Variants in EXT1 observed in about 807,000 individuals in gnomAD.
EXT1 encodes the protein exostosin glycosyltransferase 1, also known as exostosin-1.
A neutral mutation model predicts 82.5 loss-of-function variants in EXT1; 20 were observed. The observed-to-expected ratio is 0.24, with a 90% CI of 0.17 to 0.35. The LOEUF is 0.35. Among genes scored for constraint, EXT1 ranks in the 10% least tolerant of loss-of-function variants. The pLI is 1.00. For synonymous variants in EXT1, 348 were observed against 350.8 expected (o/e 0.99, Z 0.09); for missense variants, 757 against 936.5 (o/e 0.81, Z 2.50).
chr8:117,954,108 C>G (rs541822098), intron 1 of EXT1, among the ~76,000 whole-genome samples: 6 of 152,248 alleles, frequency 3.9e-5, no homozygotes, highest in African/African-American at 1.4e-4. Flanking sequence ...TCTTGTTCTT[C>G]CTTTCTAGAA....
At chr8:118,078,345 C>G (rs923452242) in intron 1 of EXT1, among the ~76,000 whole-genome samples, 1 of 152,152 alleles carries the variant, frequency 6.6e-6, no homozygotes, top group Non-Finnish European at 1.5e-5. Context: ...ATCACAGGCA[C>G]AGGCCACCAT....
intron 1 of EXT1, among the ~76,000 whole-genome samples, chr8:118,076,186 A>G (rs370884648): frequency 7.9e-5 from 12 of 152,204 alleles, no homozygotes; most frequent in African/African-American, 2.9e-4. Flanking sequence ...CACAAAACAC[A>G]AAGTCAGCTG....
At chr8:118,067,874 C>T (rs1334707734) in intron 1 of EXT1, among the ~76,000 whole-genome samples, 3 of 152,130 alleles carry the variant, frequency 2.0e-5, no homozygotes, top group Admixed American at 6.5e-5. Context: ...AGAGTGATGG[C>T]TATTAAAGGG....
intron 1 of EXT1, among the ~76,000 whole-genome samples, chr8:117,979,093 G>C (rs952206806): frequency 6.6e-6 from 1 of 152,124 alleles, no homozygotes; most frequent in Non-Finnish European, 1.5e-5. Context: ...GGTGGCTCAT[G>C]CCTGTAATCC....
intron 1 of EXT1, among the ~76,000 whole-genome samples, chr8:118,066,465 T>G (rs1254246418): frequency 1.3e-5 from 2 of 152,024 alleles, no homozygotes; most frequent in East Asian, 3.9e-4. Context: ...TTCAAGCGAT[T>G]CTCCTGCCTC....
Position 117,804,794 on chromosome 8 carries a change from C to T in EXT1, c.1983G>A (p.Val661=), listed in dbSNP as rs962526270. 2 of 1,614,150 alleles carry T rather than the reference C, an allele frequency of 1.2e-6. No individual in the cohort carries two copies. Among genetic ancestry groups the T allele is most frequent in the Admixed American group, 1.7e-5 (1 of 60,020 alleles). The change falls in exon 10 of 11, where the codon GTG becomes GTA. Residue 661 remains valine (V), a synonymous_variant. Coordinates refer to ENST00000378204, the MANE Select transcript of EXT1 (RefSeq NM_000127.3). ...NCEDILMNFL[V]SAVTKLPPIK... ...TTGGAGGCAATTTTGTCACAGCAGACACCAGGAAGTTCATGAGAATGTCCT... is the reference window on the plus strand; with the variant it reads ...TTGGAGGCAATTTTGTCACAGCAGATACCAGGAAGTTCATGAGAATGTCCT...
At chr8:117,808,954 G>A (rs549367266) in intron 8 of EXT1, among the ~76,000 whole-genome samples, 17 of 151,864 alleles carry the variant, frequency 1.1e-4, no homozygotes, top group African/African-American at 3.6e-4. Context: ...TTTGCCTGCC[G>A]GCTGAGCTGG....
intron 1 of EXT1, among the ~76,000 whole-genome samples, chr8:118,075,634 C>G (rs1046427219): frequency 5.9e-5 from 9 of 152,016 alleles, no homozygotes; most frequent in African/African-American, 2.2e-4. Context: ...ATACTGGAGA[C>G]TGGGTAATTT....
chr8:117,858,791 A>AGGC lies in EXT1; in HGVS notation c.963-21591_963-21590insGCC, dbSNP rs1554581729. 5.7e-3 allele frequency among the ~76,000 whole-genome samples: 333 copies of AGGC among 58,070 alleles called. 9 individuals carry two copies. The highest frequency in any genetic ancestry group is 7.3e-3 in the African/African-American group (79 of 10,812). The allele number at this position is 58,070 out of a possible 152,430, so 38.1% of individuals were successfully genotyped here. On this transcript the variant is annotated intron_variant, in intron 1 of 10. Coordinates refer to ENST00000378204, the MANE Select transcript of EXT1 (RefSeq NM_000127.3). Reference sequence around the variant, plus strand: ...AAGGCAGGCAGGCAGGCAGGCAGGCAAGGCAAGGCAAGGCAAGGCAGGAAG... The same window carrying AGGC: ...AAGGCAGGCAGGCAGGCAGGCAGGCAGGCAGGCAAGGCAAGGCAAGGCAGGAAG...
chr8:117,964,962 T>A (rs1451499397), intron 1 of EXT1, among the ~76,000 whole-genome samples: 2 of 152,142 alleles, frequency 1.3e-5, no homozygotes, highest in South Asian at 2.1e-4. Flanking sequence ...TACTCACTGT[T>A]ATAAGTTCAG....
At chr8:117,940,856 C>G (rs751712830) in intron 1 of EXT1, among the ~76,000 whole-genome samples, 1 of 152,164 alleles carries the variant, frequency 6.6e-6, no homozygotes, top group Admixed American at 6.6e-5. Context: ...CACCCCTAGG[C>G]TGCTGGGATC....
chr8:118,096,847 C>G (rs985347110), intron 1 of EXT1, among the ~76,000 whole-genome samples: 4 of 152,170 alleles, frequency 2.6e-5, no homozygotes, highest in African/African-American at 7.2e-5. Flanking sequence ...ACAGGAATGC[C>G]TGAGCTACAA....
chr8:117,828,816 C>A (rs1812050215), intron 4 of EXT1, among the ~76,000 whole-genome samples: 1 of 152,092 alleles, frequency 6.6e-6, no homozygotes, highest in African/African-American at 2.4e-5. Flanking sequence ...GAAAAAAATA[C>A]ACACTATGCC....
chr8:117,820,648 G>A (rs367576620), intron 5 of EXT1, among the ~76,000 whole-genome samples: 17 of 151,650 alleles, frequency 1.1e-4, no homozygotes, highest in Middle Eastern at 3.4e-3. Flanking sequence ...AGATGGTGCC[G>A]ATGGTGCCAC....
intron 1 of EXT1, among the ~76,000 whole-genome samples, chr8:117,996,535 C>T (rs528683092): frequency 6.6e-6 from 1 of 152,266 alleles, no homozygotes; most frequent in Non-Finnish European, 1.5e-5. Flanking sequence ...AGCAGAGACC[C>T]TATACATCGT....
At chr8:117,864,437 T>A (rs1812737680) in intron 1 of EXT1, among the ~76,000 whole-genome samples, 1 of 151,968 alleles carries the variant, frequency 6.6e-6, no homozygotes, top group Admixed American at 6.6e-5. Flanking sequence ...CTAACACTAA[T>A]GATAGCTGAT....
chr8:117,810,790 C>T (rs918294660), intron 8 of EXT1, among the ~76,000 whole-genome samples: 3 of 152,192 alleles, frequency 2.0e-5, no homozygotes, highest in Non-Finnish European at 4.4e-5. Flanking sequence ...TAATGGACCC[C>T]TATGGACTGC....
At chr8:117,854,162 G>A (rs1386513314) in intron 1 of EXT1, among the ~76,000 whole-genome samples, 1 of 152,242 alleles carries the variant, frequency 6.6e-6, no homozygotes, top group Non-Finnish European at 1.5e-5. Flanking sequence ...GGTAAGAGAG[G>A]TAAAGAAGGG....
At chr8:117,999,293 A>G (rs1815609921) in intron 1 of EXT1, among the ~76,000 whole-genome samples, 1 of 152,214 alleles carries the variant, frequency 6.6e-6, no homozygotes, top group African/African-American at 2.4e-5. Flanking sequence ...GATTCTAGTT[A>G]AATTTATGAG....
Sources: gnomAD v4.1 joint callset for allele counts (sites outside exome capture counted in the v4.1 genomes callset) on GRCh38, gnomAD v4.1.1 for gene constraint, MANE v1.5 for transcripts, NCBI Gene and HGNC (gene_info 2026-07-23, HGNC 2026-07-21) for gene names.